Variants in MYT1L observed in about 807,000 individuals in gnomAD.
The protein encoded by MYT1L is myelin transcription factor 1-like protein.
A neutral mutation model predicts 126.7 loss-of-function variants in MYT1L; 12 were observed. The observed-to-expected ratio is 0.09, with a 90% CI of 0.06 to 0.15. The LOEUF (loss-of-function observed/expected upper bound fraction) is 0.15, where lower values mean the gene tolerates loss of function less well. MYT1L is among the 10% of genes least tolerant of loss of function. MYT1L has a pLI of 1.00. For synonymous variants in MYT1L, 541 were observed against 604.2 expected, an observed-to-expected ratio of 0.90 and a Z score of 1.53; for missense variants, 979 against 1,585.2, an observed-to-expected ratio of 0.62 and a Z score of 6.49.
At chr2:2,317,540 G>A (rs908778634) in intron 1 of MYT1L, among the ~76,000 whole-genome samples, 1 of 151,668 alleles carries the variant, frequency 6.6e-6, no homozygotes, top group African/African-American at 2.4e-5. Context: ...TCCTTCATAG[G>A]GACTTTATGT....
chr2:1,801,353 A>G lies in MYT1L; in HGVS notation c.3276+343T>C, dbSNP rs2034827637. ...CATCGGCTGTCGCCATACATTTAAT[A>G]TAGTGATTAAATAACAGGAGGACCT... On this transcript the variant is annotated intron_variant, in intron 23 of 24. Coordinates refer to ENST00000647738, the MANE Select transcript of MYT1L (RefSeq NM_001303052.2). This position sits in a 1 kb window ranked among gnomAD's most constrained non-coding sequence, Gnocchi z 4.2. 1 of 197,590 alleles carries G rather than the reference A, an allele frequency of 5.1e-6. No homozygotes were observed. The highest frequency in any genetic ancestry group is 2.3e-5 in the African/African-American group (1 of 42,900). The allele number at this position is 197,590 out of a possible 1,614,324, so 12.2% of individuals were successfully genotyped here. A position where few individuals can be genotyped will look rare whatever the true frequency, so the allele number is the denominator to read the frequency against.
intron 4 of MYT1L, among the ~76,000 whole-genome samples, chr2:2,036,843 G>C (rs1199722765): frequency 6.6e-6 from 1 of 152,180 alleles, no homozygotes; most frequent in Non-Finnish European, 1.5e-5. Context: ...TTGTTTTGCA[G>C]TCACCAGTAG....
intron 21 of MYT1L, among the ~76,000 whole-genome samples, chr2:1,817,270 C>T (rs1259920310): frequency 6.6e-6 from 1 of 152,142 alleles, no homozygotes; most frequent in East Asian, 1.9e-4. Flanking sequence ...CCGACGGCTC[C>T]AGGAAGCAGA....
intron 9 of MYT1L, among the ~76,000 whole-genome samples, chr2:1,925,244 T>C (rs1312835493): frequency 1.3e-5 from 2 of 152,144 alleles, no homozygotes; most frequent in African/African-American, 2.4e-5. Flanking sequence ...CCTGAAGAAT[T>C]TGGAAAAGAA....
At chr2:1,831,832 CT>C (rs2040231377) in intron 21 of MYT1L, among the ~76,000 whole-genome samples, 1 of 152,124 alleles carries the variant, frequency 6.6e-6, no homozygotes, top group Non-Finnish European at 1.5e-5. Flanking sequence ...CCAGGGGTGT[CT>C]TTGCTGATGC....
chr2:2,004,795 CATGT>C (rs2063000167), intron 4 of MYT1L, among the ~76,000 whole-genome samples: 1 of 81,586 alleles, frequency 1.2e-5, no homozygotes, highest in African/African-American at 8.4e-5. Flanking sequence ...TTCTTTCCTG[CATGT>C]GTTCTTTCCT....
chr2:2,317,559 A>C (rs1320097769), intron 1 of MYT1L, among the ~76,000 whole-genome samples: 1 of 152,168 alleles, frequency 6.6e-6, no homozygotes, highest in Non-Finnish European at 1.5e-5. Context: ...GTCATTGTCT[A>C]GGTTGACTAT....
At chr2:1,839,412 C>CGTCG in intron 20 of MYT1L, 42 bp from the exon 21 acceptor site, 1 of 1,558,980 alleles carries the variant, frequency 6.4e-7, no homozygotes, top group African/African-American at 1.4e-5. Context: ...GTCTGGCCAC[C>CGTCG]GTCGCCTGGT....
At chr2:1,867,203 G>A (rs1346498600) in intron 18 of MYT1L, among the ~76,000 whole-genome samples, 1 of 152,110 alleles carries the variant, frequency 6.6e-6, no homozygotes, top group African/African-American at 2.4e-5. Context: ...AGAAAAGGGT[G>A]TGGGGTGAGG....
chr2:2,039,103 G>A lies in MYT1L; in HGVS notation c.-158+14875C>T, dbSNP rs142820404. On this transcript the variant is annotated intron_variant, in intron 4 of 24. Coordinates refer to ENST00000647738, the MANE Select transcript of MYT1L (RefSeq NM_001303052.2). ...ACATGGAAGGCAGTCAGCAAGCACC[G>A]GGGGAATGAACAGAATCTCACGGAG... is the stretch of plus-strand genomic sequence containing the variant. Among the ~76,000 whole-genome samples, 9 of 152,274 alleles carry A rather than the reference G, an allele frequency of 5.9e-5. No individual in the cohort carries two copies. In the East Asian group the frequency reaches 9.6e-4, roughly 16 times the overall value.
At chr2:2,104,049 T>TA (rs1432439145) in intron 3 of MYT1L, among the ~76,000 whole-genome samples, 2 of 152,234 alleles carry the variant, frequency 1.3e-5, no homozygotes, top group Non-Finnish European at 2.9e-5. Flanking sequence ...GAGTTCAGGA[T>TA]AGTTGACAAT....
In MYT1L at chr2:2,228,346, T is replaced by A. The variant is rs893382353; in HGVS notation, c.-420-55358A>T. On this transcript the variant is annotated intron_variant, in intron 2 of 24. Transcript: ENST00000647738. This position sits in a 1 kb window ranked among gnomAD's most constrained non-coding sequence, Gnocchi z 5.9. ...ATTAAAAACCTGTGCAACAGGATTA[T>A]AATAATAATTTAGCTAGCCACATGG... is the stretch of plus-strand genomic sequence containing the variant. Among the ~76,000 whole-genome samples the A allele has an allele frequency of 3.9e-5, 6 of 152,236 alleles. No homozygotes were observed. Among genetic ancestry groups the A allele is most frequent in the African/African-American group, 1.4e-4 (6 of 41,466 alleles).
At chr2:2,152,701 T>G (rs1364516949) in intron 3 of MYT1L, among the ~76,000 whole-genome samples, 2 of 152,168 alleles carry the variant, frequency 1.3e-5, no homozygotes, top group African/African-American at 2.4e-5. Context: ...ATCATAGCCC[T>G]TGGACATGTT....
chr2:2,265,327 T>C (rs2095098511), intron 2 of MYT1L, among the ~76,000 whole-genome samples: 2 of 152,166 alleles, frequency 1.3e-5, no homozygotes, highest in South Asian at 4.1e-4. Context: ...TTTTTTTCCT[T>C]TTTTTAAATG....
chr2:1,912,392 C>T lies in MYT1L; in HGVS notation c.1619-282G>A, dbSNP rs2052156409. ...GGTTGACGGGACTCTATGCTAAGGG[C>T]CTCACACAGCAGAGGCGCTGGAGCC... On this transcript the variant is annotated intron_variant, in intron 11 of 24. Coordinates refer to ENST00000647738, the MANE Select transcript of MYT1L (RefSeq NM_001303052.2). The surrounding 1 kb of genome is among the most constrained non-coding windows in gnomAD (Gnocchi z 4.3). 6.6e-6 allele frequency among the ~76,000 whole-genome samples: 1 copy of T among 152,170 alleles called. No individual in the cohort carries two copies. Among genetic ancestry groups the T allele is most frequent in the Non-Finnish European group, 1.5e-5 (1 of 68,042 alleles).
intron 3 of MYT1L, among the ~76,000 whole-genome samples, chr2:2,121,518 G>A (rs554941559): frequency 2.0e-5 from 3 of 149,304 alleles, no homozygotes; most frequent in South Asian, 2.1e-4. Flanking sequence ...AGTTTGTTTC[G>A]CTCTGTCACC....
Position 2,295,547 on chromosome 2 carries a change from G to GAT in MYT1L, c.-520-11045_-520-11044insAT, listed in dbSNP as rs1377872279. Reference sequence around the variant, plus strand: ...AGGTGCAGAGAAAGATAGAGAGAGAGAGAGAGAGACAGACAGACAGAGAGA... The same window carrying GAT: ...AGGTGCAGAGAAAGATAGAGAGAGAGATAGAGAGAGACAGACAGACAGAGAGA... On this transcript the variant is annotated intron_variant, in intron 1 of 24. Transcript: ENST00000647738. 1.6e-4 allele frequency among the ~76,000 whole-genome samples: 23 copies of GAT among 141,194 alleles called. 3 individuals are homozygous for GAT. Among genetic ancestry groups the GAT allele is most frequent in the South Asian group, 2.3e-4 (1 of 4,286 alleles). The allele number at this position is 141,194 out of a possible 152,430, so 92.6% of individuals were successfully genotyped here.
chr2:2,216,715 CAA>C (rs2093686980), intron 2 of MYT1L, among the ~76,000 whole-genome samples: 1 of 151,956 alleles, frequency 6.6e-6, no homozygotes, highest in Non-Finnish European at 1.5e-5. Flanking sequence ...GAAAAATCAA[CAA>C]AGTCATATGT....
At position 1,887,729 on chromosome 2, in the gene MYT1L, A is replaced by T; in HGVS notation, c.2521-120T>A. On this transcript the variant is annotated intron_variant, in intron 16 of 24. Coordinates refer to ENST00000647738, the MANE Select transcript of MYT1L (RefSeq NM_001303052.2). The surrounding 1 kb of genome is among the most constrained non-coding windows in gnomAD (Gnocchi z 4.8). ...TTACACCTCTTTCTGCTGTACCTTT[A>T]AGATCCTTTTGGTCCTGATAACGCC... is the stretch of plus-strand genomic sequence containing the variant. 8.1e-7 allele frequency: 1 copy of T among 1,234,510 alleles called. No homozygotes were observed. The highest frequency in any genetic ancestry group is 1.2e-6 in the Non-Finnish European group (1 of 868,722). The allele number at this position is 1,234,510 out of a possible 1,614,324, so 76.5% of individuals were successfully genotyped here. A position where few individuals can be genotyped will look rare whatever the true frequency, so the allele number is the denominator to read the frequency against.
Sources: allele counts gnomAD v4.1 joint callset (sites outside exome capture counted in the v4.1 genomes callset), GRCh38; gene constraint gnomAD v4.1.1; non-coding constraint Gnocchi (gnomAD v3.1); transcripts MANE v1.5; gene names NCBI Gene and HGNC (gene_info 2026-07-23, HGNC 2026-07-21).